The following GRIK2 variants were observed in gnomAD, a reference collection of about 807,000 sequenced individuals.
The protein encoded by GRIK2 is glutamate receptor ionotropic, kainate 2.
GRIK2 carries 32 observed loss-of-function variants against 100.3 expected under a neutral mutation model. The observed-to-expected ratio is 0.32, with a 90% CI of 0.24 to 0.43. The LOEUF (loss-of-function observed/expected upper bound fraction) is 0.43, where lower values mean the gene tolerates loss of function less well. Among genes scored for constraint, GRIK2 ranks in the 20% least tolerant of loss-of-function variants. The pLI is 1.00. For synonymous variants in GRIK2, 417 were observed against 389.4 expected, an observed-to-expected ratio of 1.07 and a Z score of -0.83; for missense variants, 843 against 1,114.9, an observed-to-expected ratio of 0.76 and a Z score of 3.47.
At chr6:101,495,896 T>C (rs530822387) in intron 2 of GRIK2, among the ~76,000 whole-genome samples, 14 of 152,032 alleles carry the variant, frequency 9.2e-5, no homozygotes, top group East Asian at 5.8e-4. Flanking sequence ...CAAAAGCACA[T>C]AAGAGGAGAA....
Position 101,644,775 on chromosome 6 carries a change from C to G in GRIK2, c.541+18138C>G, listed in dbSNP as rs559237241. 6.6e-5 allele frequency among the ~76,000 whole-genome samples: 10 copies of G among 151,936 alleles called. No homozygotes were observed. The South Asian group carries it at 1.9e-3, about 28-fold the overall frequency. ...TATTGGTGCTATTTACCAAATATAT[C>G]TAGCTCTGGTCTCAGGCATAGAACA... On this transcript the variant is annotated intron_variant, in intron 4 of 16. Transcript: ENST00000369134.
At chr6:102,032,398 C>T (rs1328310926) in intron 14 of GRIK2, among the ~76,000 whole-genome samples, 1 of 151,164 alleles carries the variant, frequency 6.6e-6, no homozygotes, top group East Asian at 2.0e-4. Context: ...TACCTTGATG[C>T]TTAGGCTATC....
At chr6:101,895,904 A>G (rs1394354391) in intron 12 of GRIK2, among the ~76,000 whole-genome samples, 1 of 151,736 alleles carries the variant, frequency 6.6e-6, no homozygotes, top group South Asian at 2.1e-4. Flanking sequence ...TGCCTGTCAC[A>G]TATTAAAGTG....
At chr6:101,801,803 G>A (rs1184698962) in intron 8 of GRIK2, among the ~76,000 whole-genome samples, 1 of 151,778 alleles carries the variant, frequency 6.6e-6, no homozygotes, top group East Asian at 1.9e-4. Flanking sequence ...TTGATATGAA[G>A]TAATTATAAT....
intron 14 of GRIK2, among the ~76,000 whole-genome samples, chr6:102,035,026 A>T (rs750485348): frequency 6.6e-6 from 1 of 151,304 alleles, no homozygotes; most frequent in African/African-American, 2.4e-5. Flanking sequence ...ACTTCCTTAT[A>T]AATCATTTGT....
At chr6:102,006,093 G>C (rs1296624027) in intron 14 of GRIK2, among the ~76,000 whole-genome samples, 1 of 151,910 alleles carries the variant, frequency 6.6e-6, no homozygotes, top group Non-Finnish European at 1.5e-5. Flanking sequence ...CAGGTATTGA[G>C]GGTTAGGACG....
intron 2 of GRIK2, among the ~76,000 whole-genome samples, chr6:101,421,875 T>C (rs1173807896): frequency 6.6e-6 from 1 of 152,206 alleles, no homozygotes; most frequent in African/African-American, 2.4e-5. Flanking sequence ...ATCCCTTCCA[T>C]TGGTAACATG....
intron 2 of GRIK2, among the ~76,000 whole-genome samples, chr6:101,452,213 G>T (rs376223514): frequency 7.3e-4 from 111 of 151,804 alleles, no homozygotes; most frequent in African/African-American, 2.5e-3. Context: ...AAGAAACATG[G>T]CTATAGTATT....
intron 2 of GRIK2, among the ~76,000 whole-genome samples, chr6:101,485,650 G>C (rs762660730): frequency 6.6e-6 from 1 of 152,130 alleles, no homozygotes; most frequent in Non-Finnish European, 1.5e-5. Flanking sequence ...GATTACAACG[G>C]TCCGGGAAGT....
chr6:101,465,256 T>C (rs1336086962), intron 2 of GRIK2, among the ~76,000 whole-genome samples: 1 of 152,132 alleles, frequency 6.6e-6, no homozygotes, highest in Admixed American at 6.5e-5. Flanking sequence ...TAATTTCTCA[T>C]CTCTTCCCCC....
chr6:102,008,917 C>T (rs1196767510), intron 14 of GRIK2, among the ~76,000 whole-genome samples: 2 of 151,954 alleles, frequency 1.3e-5, no homozygotes, highest in African/African-American at 4.8e-5. Flanking sequence ...CATGTATACA[C>T]ACATGTCCAT....
chr6:101,524,718 G>GTTTTTTTTTTTTTTTTTTTTT (rs11339091), intron 2 of GRIK2, among the ~76,000 whole-genome samples: 3 of 134,284 alleles, frequency 2.2e-5, no homozygotes, highest in Non-Finnish European at 1.6e-5. Context: ...TTGCATGTTC[G>GTTTTTTTTTTTTTTTTTTTTT]TTTTTTTTTT....
intron 7 of GRIK2, among the ~76,000 whole-genome samples, chr6:101,734,233 T>G (rs1775482557): frequency 6.6e-6 from 1 of 152,144 alleles, no homozygotes; most frequent in Admixed American, 6.6e-5. Flanking sequence ...GACTAAGAAG[T>G]TCCAAGATCT....
intron 2 of GRIK2, among the ~76,000 whole-genome samples, chr6:101,584,453 G>A (rs1430660223): frequency 6.6e-6 from 1 of 151,864 alleles, no homozygotes; most frequent in Non-Finnish European, 1.5e-5. Context: ...GACTAAAAAA[G>A]TCTGCTTTGT....
chr6:101,944,691 A>G (rs1187189813), intron 14 of GRIK2, among the ~76,000 whole-genome samples: 1 of 152,156 alleles, frequency 6.6e-6, no homozygotes, highest in African/African-American at 2.4e-5. Context: ...CAAAAGAAAA[A>G]AATATTTTTT....
intron 2 of GRIK2, among the ~76,000 whole-genome samples, chr6:101,598,054 C>T (rs554675962): frequency 3.8e-4 from 58 of 151,866 alleles, no homozygotes; most frequent in African/African-American, 1.3e-3. Flanking sequence ...AATGTACTGA[C>T]TGATTGTATG....
intron 7 of GRIK2, 81 bp downstream of exon 7, chr6:101,686,434 A>G: frequency 1.6e-5 from 15 of 934,388 alleles, no homozygotes; most frequent in Non-Finnish European, 2.1e-5. Context: ...TTATATGCAT[A>G]CATATAAACT....
At chr6:101,735,714 G>A (rs938583793) in intron 7 of GRIK2, among the ~76,000 whole-genome samples, 1 of 152,150 alleles carries the variant, frequency 6.6e-6, no homozygotes, top group African/African-American at 2.4e-5. Context: ...TATAAGATGA[G>A]ATTTGAGTGA....
At chr6:101,446,499 C>T (rs1457614798) in intron 2 of GRIK2, among the ~76,000 whole-genome samples, 1 of 151,672 alleles carries the variant, frequency 6.6e-6, no homozygotes, top group Non-Finnish European at 1.5e-5. Flanking sequence ...TTTTTTTATA[C>T]ACTAAGTTTT....
Sources: allele counts gnomAD v4.1 joint callset (sites outside exome capture counted in the v4.1 genomes callset), GRCh38; gene constraint gnomAD v4.1.1; transcripts MANE v1.5; gene names NCBI Gene and HGNC (gene_info 2026-07-23, HGNC 2026-07-21).